The following WRN variants were observed in gnomAD, a reference collection of about 807,000 sequenced individuals.
WRN encodes the protein bifunctional 3'-5' exonuclease/ATP-dependent helicase WRN.
In WRN, 149 loss-of-function variants were observed where a neutral mutation model predicts 180.7. The ratio of observed to expected loss-of-function variants is 0.82; its 90% CI spans 0.72 to 0.94. The LOEUF (loss-of-function observed/expected upper bound fraction) is 0.94, where lower values mean the gene tolerates loss of function less well. Among genes scored for constraint, WRN ranks in the 40% least tolerant of loss-of-function variants. The pLI is 0.00. For synonymous variants in WRN, 548 were observed against 568.9 expected (o/e 0.96, Z 0.52); for missense variants, 1,661 against 1,700.1 (o/e 0.98, Z 0.40).
At chr8:31,125,845 T>G (rs1272499860) in intron 23 of WRN, among the ~76,000 whole-genome samples, 1 of 151,224 alleles carries the variant, frequency 6.6e-6, no homozygotes, top group Non-Finnish European at 1.5e-5. Context: ...ATTATAAATG[T>G]TAATCACGTC....
rs561946606 is a variant in WRN, at chr8:31,090,695, A to G, written c.1721-139A>G. ...AACAGATGCTCAGATTTATGTATCA[A>G]TTAGCTTTTAGGAAGATAGCATACT... On this transcript the variant is annotated intron_variant, in intron 14 of 34. Coordinates refer to ENST00000298139, the MANE Select transcript of WRN (RefSeq NM_000553.6). The G allele has an allele frequency of 5.9e-5, 62 of 1,051,000 alleles. 1 individual carries two copies. The East Asian group carries it at 8.0e-4, about 14-fold the overall frequency. The allele number at this position is 1,051,000 out of a possible 1,614,324, so 65.1% of individuals were successfully genotyped here.
intron 8 of WRN, among the ~76,000 whole-genome samples, chr8:31,077,609 C>G (rs545072727): frequency 1.3e-5 from 2 of 152,288 alleles, no homozygotes; most frequent in African/African-American, 4.8e-5. Context: ...ATACATTTTT[C>G]CCTCCATGAA....
intron 33 of WRN, among the ~76,000 whole-genome samples, chr8:31,164,454 A>G (rs1336600864): frequency 6.6e-6 from 1 of 152,204 alleles, no homozygotes; most frequent in Admixed American, 6.5e-5. Flanking sequence ...TTATTATGAC[A>G]CAATATTTAC....
chr8:31,146,050 C>G (rs891468380), intron 28 of WRN, among the ~76,000 whole-genome samples: 1 of 151,598 alleles, frequency 6.6e-6, no homozygotes, highest in African/African-American at 2.4e-5. Context: ...ACAAGCATAC[C>G]AGCCCACACT....
chr8:31,073,419 G>A (rs147421620), intron 7 of WRN, among the ~76,000 whole-genome samples: 2 of 152,288 alleles, frequency 1.3e-5, no homozygotes, highest in African/African-American at 4.8e-5. Flanking sequence ...TCAATGGAAA[G>A]GTCAGTTATA....
At chr8:31,063,697 AT>A (rs1812583688) in intron 3 of WRN, among the ~76,000 whole-genome samples, 1 of 152,106 alleles carries the variant, frequency 6.6e-6, no homozygotes. Context: ...GTCTTCACAT[AT>A]TTTTTGGATT....
chr8:31,090,763 T>G, intron 14 of WRN, 71 bp from the exon 15 acceptor site: 1 of 1,313,028 alleles, frequency 7.6e-7, no homozygotes. Flanking sequence ...TAAAAAGAAA[T>G]GAAAGCATCA....
chr8:31,034,869 A>T (rs1174083429), intron 1 of WRN, among the ~76,000 whole-genome samples: 4 of 152,192 alleles, frequency 2.6e-5, no homozygotes, highest in African/African-American at 9.7e-5. Context: ...GGTATGAGTT[A>T]TCGTGTCCAG....
chr8:31,067,183 G>T lies in WRN; in HGVS notation c.654+1G>T. 4 of 1,613,408 alleles carry T rather than the reference G, an allele frequency of 2.5e-6. No individual in the cohort carries two copies. The highest frequency in any genetic ancestry group is 3.4e-6 in the Non-Finnish European group (4 of 1,179,898). ...ACTGTATGCAGCCACTGATGCTTATGTACGTGCTTAAAGATCTTTAGAAAT... is the reference window on the plus strand; with the variant it reads ...ACTGTATGCAGCCACTGATGCTTATTTACGTGCTTAAAGATCTTTAGAAAT... On this transcript the variant is annotated splice_donor_variant, in intron 6 of 34. Transcript: ENST00000298139. LOFTEE classifies it high-confidence loss of function.
intron 1 of WRN, among the ~76,000 whole-genome samples, chr8:31,036,292 T>C (rs1811450774): frequency 6.6e-6 from 1 of 152,242 alleles, no homozygotes; most frequent in Non-Finnish European, 1.5e-5. Context: ...TGATTCCATA[T>C]TCTGGCTATT....
At chr8:31,087,992 TTGGATGG>T (rs1330107542) in intron 12 of WRN, 72 bp downstream of exon 12, 1 of 1,565,684 alleles carries the variant, frequency 6.4e-7, no homozygotes, top group Non-Finnish European at 8.7e-7. Context: ...GGATCCAGTT[TTGGATGG>T]TTTGGAGGTC....
intron 24 of WRN, among the ~76,000 whole-genome samples, chr8:31,135,948 T>G (rs1802382893): frequency 6.6e-6 from 1 of 152,210 alleles, no homozygotes; most frequent in South Asian, 2.1e-4. Flanking sequence ...ACTTAGCCGA[T>G]CAGTTAGATT....
rs944410363 is a variant in WRN at position 31,125,989 on chromosome 8, T to C, written c.2825+989T>C. Among the ~76,000 whole-genome samples, 128 of 105,684 alleles carry C rather than the reference T, an allele frequency of 1.2e-3. 1 individual carries two copies. The highest frequency in any genetic ancestry group is 4.1e-3 in the African/African-American group (117 of 28,708). 69.3% of individuals were successfully genotyped at this position (105,684 alleles called of 152,430 possible). ...CATCCTAAATATATATATATATATATATATATATATCTACTTAACAAAAAG... is the reference window on the plus strand; with the variant it reads ...CATCCTAAATATATATATATATATACATATATATATCTACTTAACAAAAAG... On this transcript the variant is annotated intron_variant, in intron 23 of 34. Coordinates refer to ENST00000298139, the MANE Select transcript of WRN (RefSeq NM_000553.6).
At chr8:31,167,286 C>A in intron 34 of WRN, 56 bp downstream of exon 34, 1 of 1,417,410 alleles carries the variant, frequency 7.1e-7, no homozygotes, top group Non-Finnish European at 9.8e-7. Flanking sequence ...TTTGCATATC[C>A]TAGTACTAGA....
At chr8:31,140,570 G>C (rs1802581261) in intron 24 of WRN, among the ~76,000 whole-genome samples, 1 of 129,380 alleles carries the variant, frequency 7.7e-6, no homozygotes, top group South Asian at 2.2e-4. Flanking sequence ...ACCATCAGCT[G>C]TTTAGCATGC....
chr8:31,123,131 C>T (rs989909299), intron 21 of WRN, among the ~76,000 whole-genome samples: 1 of 151,906 alleles, frequency 6.6e-6, no homozygotes, highest in African/African-American at 2.4e-5. Context: ...CCATCCCACT[C>T]AGTCTGCCTC....
rs571998328 is a variant in WRN, at chr8:31,082,391, A to G, written c.1269+1095A>G. Among the ~76,000 whole-genome samples the G allele has an allele frequency of 3.3e-5, 5 of 152,252 alleles. No homozygotes were observed. In the South Asian group the frequency reaches 1.0e-3, roughly 32 times the overall value. On this transcript the variant is annotated intron_variant, in intron 9 of 34. Coordinates refer to ENST00000298139, the MANE Select transcript of WRN (RefSeq NM_000553.6). ...CTCTGTATTTTGGTAACTATTAGTA[A>G]TCACTTTTATCAGTATAAACATGCA... is the stretch of plus-strand genomic sequence containing the variant.
chr8:31,150,372 G>A lies in WRN; in HGVS notation c.3604G>A (p.Asp1202Asn), dbSNP rs753920588. ...PTTVENVKRI[D>N]GVSEGKAAML... ...TACGGTTGAAAACGTAAAAAGGATT[G>A]ATGGTGTTTCTGAAGGCAAAGCTGC... The change falls in exon 31 of 35, where the codon GAT becomes AAT. Residue 1202 changes from aspartate (D) to asparagine (N), a missense_variant. Asp to Asn is a conservative substitution (Grantham distance 23, BLOSUM62 1). Transcript: ENST00000298139. 62 of 1,614,122 alleles carry A rather than the reference G, an allele frequency of 3.8e-5. No individual in the cohort carries two copies. The highest frequency in any genetic ancestry group is 5.2e-5 in the Non-Finnish European group (61 of 1,180,010).
intron 20 of WRN, among the ~76,000 whole-genome samples, chr8:31,117,243 G>A (rs923843165): frequency 6.6e-6 from 1 of 152,184 alleles, no homozygotes; most frequent in Non-Finnish European, 1.5e-5. Context: ...AGGTACAAGA[G>A]TCTCGTCTCT....
Sources: allele counts gnomAD v4.1 joint callset (sites outside exome capture counted in the v4.1 genomes callset), GRCh38; gene constraint gnomAD v4.1.1; transcripts MANE v1.5; gene names NCBI Gene and HGNC (gene_info 2026-07-23, HGNC 2026-07-21).